DDIT4L: variants seen among roughly 807,000 people sequenced by gnomAD.
DDIT4L encodes DNA damage inducible transcript 4 like, also known as DNA damage-inducible transcript 4-like protein.
In DDIT4L, 13 loss-of-function variants were observed where a neutral mutation model predicts 15.9. The ratio of observed to expected loss-of-function variants is 0.82; its 90% CI spans 0.53 to 1.30. The LOEUF is 1.30. Among genes scored for constraint, DDIT4L ranks in the 50% most tolerant of loss-of-function variants. The probability of loss-of-function intolerance (pLI) is 0.00; values close to 1 mark genes in which losing one functional copy is unlikely to be tolerated. For missense variants in DDIT4L, 235 were observed against 224.8 expected, an observed-to-expected ratio of 1.05 and a Z score of -0.29; for synonymous variants, 82 against 85.4, an observed-to-expected ratio of 0.96 and a Z score of 0.22.
At chr4:100,190,071 G>T in intron 1 of DDIT4L, 39 bp from the exon 2 acceptor site, 2 of 1,322,174 alleles carry the variant, frequency 1.5e-6, no homozygotes, top group Non-Finnish European at 1.1e-6. Context: ...ATTTGCAAAA[G>T]CAGGCGAGTC....
chr4:100,189,798 T>TA (rs1560556027), intron 2 of DDIT4L, 95 bp downstream of exon 2: 1 of 1,143,460 alleles, frequency 8.7e-7, no homozygotes, highest in Non-Finnish European at 1.3e-6. Context: ...ACCTCCTACA[T>TA]AGAGGTAGGG....
At chr4:100,189,317 A>G (rs1484403409) in intron 2 of DDIT4L, among the ~76,000 whole-genome samples, 1 of 152,192 alleles carries the variant, frequency 6.6e-6, no homozygotes, top group East Asian at 1.9e-4. Flanking sequence ...TAATGGATAT[A>G]TCCACGACTG....
chr4:100,187,992 A>G lies in DDIT4L; in HGVS notation c.267T>C (p.Ala89=). 1 of 1,614,180 alleles carries G rather than the reference A, an allele frequency of 6.2e-7. No homozygotes were observed. Among genetic ancestry groups the G allele is most frequent in the Non-Finnish European group, 8.5e-7 (1 of 1,180,040 alleles). Residue 89 remains alanine, a synonymous_variant, in exon 3 of 3, where the codon GCT becomes GCC. Coordinates refer to ENST00000273990, the MANE Select transcript of DDIT4L (RefSeq NM_145244.4). ...TTGAGGAAAGCCGCAGGACATCTTG[A>G]GCAATTCTCTGGGTCAGTTTCTCAG... ...LVPEKLTQRI[A]QDVLRLSSTE... is the part of the protein sequence containing the mutation.
rs371673379 is a variant in DDIT4L, at chr4:100,185,879, TATA to T, written c.*1795_*1797del. 10 of 152,266 alleles carry T rather than the reference TATA, an allele frequency of 6.6e-5. No homozygotes were observed. The highest frequency in any genetic ancestry group is 2.4e-4 in the African/African-American group (10 of 41,564). The allele number at this position is 152,266 out of a possible 1,614,324, so 9.4% of individuals were successfully genotyped here. The stretch of plus-strand genomic sequence containing the variant: ...AAAGAGGACAAGAGAATTAAAAATA[TATA>T]ATGTTTTATTGTCAAAAATAGACAA... On this transcript the variant is annotated 3_prime_UTR_variant, in exon 3 of 3. Transcript: ENST00000273990.
Position 100,188,109 on chromosome 4 carries a change from C to A in DDIT4L, c.150G>T (p.Glu50Asp). 6.2e-7 allele frequency: 1 copy of A among 1,613,710 alleles called. No homozygotes were observed. The highest frequency in any genetic ancestry group is 1.3e-5 in the African/African-American group (1 of 75,008). ...PEPNLNEVIF[E>D]ESTCQNLVKM... ...TAACCAAATTCTGGCAAGTTGATTC[C>A]TCAAATATTACCTCGTTGAGGTTGG... The change falls in exon 3 of 3, where the codon GAG becomes GAT. Residue 50 changes from glutamate to aspartate, a missense_variant. Physicochemically the swap from Glu to Asp is conservative, Grantham distance 45. Coordinates refer to ENST00000273990, the MANE Select transcript of DDIT4L (RefSeq NM_145244.4).
At chr4:100,188,216 A>G (rs915400333) in intron 2 of DDIT4L, 49 bp from the exon 3 acceptor site, 2 of 1,551,436 alleles carry the variant, frequency 1.3e-6, no homozygotes, top group Non-Finnish European at 1.7e-6. Context: ...AAAATTTAAG[A>G]GTAGAAAAAA....
At chr4:100,190,155 AC>A (rs763044060) in intron 1 of DDIT4L, 123 bp from the exon 2 acceptor site, 118 of 611,756 alleles carry the variant, frequency 1.9e-4, no homozygotes, top group Admixed American at 4.3e-4. Flanking sequence ...AAGGGGTGGA[AC>A]CGGCCTCTGC....
chr4:100,188,287 G>C (rs1723457802), intron 2 of DDIT4L, 120 bp from the exon 3 acceptor site: 1 of 1,101,958 alleles, frequency 9.1e-7, no homozygotes, highest in African/African-American at 1.6e-5. Flanking sequence ...TCTTGTATTT[G>C]TTTCAGAGTC....
intron 2 of DDIT4L, 68 bp from the exon 3 acceptor site, chr4:100,188,235 G>C (rs1723456674): frequency 6.8e-7 from 1 of 1,472,546 alleles, no homozygotes; most frequent in Non-Finnish European, 9.1e-7. Context: ...AAAACACCAA[G>C]ATATCAACAT....
At position 100,190,019 on chromosome 4, in the gene DDIT4L, G is replaced by T; in HGVS notation, c.-36C>A. The T allele has an allele frequency of 1.3e-6, 2 of 1,596,814 alleles. No individual in the cohort carries two copies. Reference sequence around the variant, plus strand: ...TCTGTTTCCTTCGCGAGGCGCAACGGCCTTTCCTGAGCGCTGGAAAAAATG... The same window carrying T: ...TCTGTTTCCTTCGCGAGGCGCAACGTCCTTTCCTGAGCGCTGGAAAAAATG... On this transcript the variant is annotated 5_prime_UTR_variant, in exon 2 of 3. Coordinates refer to ENST00000273990, the MANE Select transcript of DDIT4L (RefSeq NM_145244.4).
At position 100,188,045 on chromosome 4, in the gene DDIT4L, T is replaced by C. The variant is rs201411552; in HGVS notation, c.214A>G (p.Lys72Glu). 1 of 1,614,196 alleles carries C rather than the reference T, an allele frequency of 6.2e-7. No homozygotes were observed. Among genetic ancestry groups the C allele is most frequent in the African/African-American group, 1.3e-5 (1 of 75,052 alleles). ...ACAAGGACCTTTGAGCAACCAAGTT[T>C]AGTTTGCTTTGATTTGGACAGACAG... ...ENCLSKSKQT[K>E]LGCSKVLVPE... The change falls in exon 3 of 3, where the codon AAA becomes GAA. Residue 72 changes from lysine (K) to glutamate (E), a missense_variant. By Grantham distance (56) the Lys-to-Glu change is moderately conservative. Coordinates refer to ENST00000273990, the MANE Select transcript of DDIT4L (RefSeq NM_145244.4).
intron 2 of DDIT4L, 55 bp from the exon 3 acceptor site, chr4:100,188,222 A>T (rs1723456292): frequency 6.5e-7 from 1 of 1,533,824 alleles, no homozygotes; most frequent in African/African-American, 1.4e-5. Context: ...TAAGAGTAGA[A>T]AAAAAACACC....
In DDIT4L at chr4:100,187,919, T is replaced by C; in HGVS notation, c.340A>G (p.Ile114Val). 6.2e-7 allele frequency: 1 copy of C among 1,614,094 alleles called. No individual in the cohort carries two copies. The highest frequency in any genetic ancestry group is 8.5e-7 in the Non-Finnish European group (1 of 1,180,030). Reference protein sequence around the residue: ...RGCVMHVNLEIENVCKKLDRI... With the variant: ...RGCVMHVNLEVENVCKKLDRI... ...TCCAGCTTTTTACATACATTTTCAATTTCCAAGTTCACGTGCATAACACAA... is the reference window on the plus strand; with the variant it reads ...TCCAGCTTTTTACATACATTTTCAACTTCCAAGTTCACGTGCATAACACAA... The change falls in exon 3 of 3, where the codon ATT becomes GTT. Residue 114 changes from isoleucine (I) to valine (V), a missense_variant. Ile to Val is a conservative substitution (Grantham distance 29, BLOSUM62 3). Transcript: ENST00000273990.
Position 100,187,741 on chromosome 4 carries a change from C to T in DDIT4L, c.518G>A (p.Gly173Glu). ...AAGTTTTTTCTTAACAAGTCGAAAT[C>T]CTGAGCTGAGGATCAGAGTTCTCCT... ...GFRRTLILSS[G>E]FRLVKKKLYS... The change falls in exon 3 of 3, where the codon GGA becomes GAA. Residue 173 changes from glycine to glutamate, a missense_variant. By Grantham distance (98) the Gly-to-Glu change is moderately conservative. Transcript: ENST00000273990. 6.2e-7 allele frequency: 1 copy of T among 1,611,936 alleles called. No individual in the cohort carries two copies. The highest frequency in any genetic ancestry group is 8.5e-7 in the Non-Finnish European group (1 of 1,179,566).
At position 100,190,048 on chromosome 4, in the gene DDIT4L, C is replaced by T. The variant is rs1723490255; in HGVS notation, c.-49-16G>A. 2.0e-6 allele frequency: 3 copies of T among 1,490,100 alleles called. No individual in the cohort carries two copies. In the Admixed American group the frequency reaches 5.1e-5, roughly 25 times the overall value. The allele number at this position is 1,490,100 out of a possible 1,614,324, so 92.3% of individuals were successfully genotyped here. A position where few individuals can be genotyped will look rare whatever the true frequency, so the allele number is the denominator to read the frequency against. On this transcript the variant is annotated splice_polypyrimidine_tract_variant and intron_variant, in intron 1 of 2. Coordinates refer to ENST00000273990, the MANE Select transcript of DDIT4L (RefSeq NM_145244.4). ...TTCCTGAGCGCTGGAAAAAATGAGGCGAGAAGAGACGGATTTGCAAAAGCA... is the reference window on the plus strand; with the variant it reads ...TTCCTGAGCGCTGGAAAAAATGAGGTGAGAAGAGACGGATTTGCAAAAGCA...
Position 100,187,703 on chromosome 4 carries a change from C to G in DDIT4L, c.556G>C (p.Gly186Arg), listed in dbSNP as rs1439319815. 4 of 1,607,052 alleles carry G rather than the reference C, an allele frequency of 2.5e-6. No homozygotes were observed. In the African/African-American group the frequency reaches 4.1e-5, roughly 16 times the overall value. ...LVKKKLYSLI[G>R]TTVIEGS ...TAGGACCCTTCAATCACTGTTGTTCCAATCAGTGAGTAAAGTTTTTTCTTA... is the reference window on the plus strand; with the variant it reads ...TAGGACCCTTCAATCACTGTTGTTCGAATCAGTGAGTAAAGTTTTTTCTTA... Residue 186 changes from glycine (G) to arginine (R), a missense_variant, in exon 3 of 3, where the codon GGA becomes CGA. By Grantham distance (125) the Gly-to-Arg change is moderately radical. Coordinates refer to ENST00000273990, the MANE Select transcript of DDIT4L (RefSeq NM_145244.4).
In DDIT4L at chr4:100,189,951, G is replaced by T; in HGVS notation, c.33C>A (p.Asn11Lys). ...CCAGCAATTCTGAAATGCTGGCCGGGTTCTTGCTGCTCAAACTGCCAGTTG... is the reference window on the plus strand; with the variant it reads ...CCAGCAATTCTGAAATGCTGGCCGGTTTCTTGCTGCTCAAACTGCCAGTTG... MVATGSLSSK[N>K]PASISELLDC... The change falls in exon 2 of 3, where the codon AAC becomes AAA. Residue 11 changes from asparagine (N) to lysine (K), a missense_variant. Asn to Lys is a moderately conservative substitution (Grantham distance 94). Transcript: ENST00000273990. The T allele has an allele frequency of 6.2e-7, 1 of 1,614,130 alleles. No homozygotes were observed. The highest frequency in any genetic ancestry group is 8.5e-7 in the Non-Finnish European group (1 of 1,180,024).
intron 2 of DDIT4L, among the ~76,000 whole-genome samples, chr4:100,188,760 A>C (rs1269916892): frequency 6.6e-6 from 1 of 152,224 alleles, no homozygotes; most frequent in Non-Finnish European, 1.5e-5. Context: ...TCTTTACTGG[A>C]GTGGCCTGTA....
chr4:100,190,330 G>A lies in DDIT4L; in HGVS notation c.-77C>T, dbSNP rs1401955385. 3.4e-6 allele frequency: 1 copy of A among 294,772 alleles called. No homozygotes were observed. The highest frequency in any genetic ancestry group is 6.4e-6 in the Non-Finnish European group (1 of 155,988). The allele number at this position is 294,772 out of a possible 1,614,324, so 18.3% of individuals were successfully genotyped here. A position where few individuals can be genotyped will look rare whatever the true frequency, so the allele number is the denominator to read the frequency against. On this transcript the variant is annotated 5_prime_UTR_variant, in exon 1 of 3. Transcript: ENST00000273990. ...GCCAGGAGTTCGCGGGGGCCTGCGC[G>A]CTCGCTGCCGGGTAAACACAGGCAG...
Sources: gnomAD v4.1 joint callset for allele counts (sites outside exome capture counted in the v4.1 genomes callset) on GRCh38, gnomAD v4.1.1 for gene constraint, MANE v1.5 for transcripts, NCBI Gene and HGNC (gene_info 2026-07-23, HGNC 2026-07-21) for gene names.